The following CSMD2 variants were observed in gnomAD, a reference collection of about 807,000 sequenced individuals.
CSMD2 encodes the protein CUB and sushi domain-containing protein 2.
In CSMD2, 130 loss-of-function variants were observed where a neutral mutation model predicts 398.5. The ratio of observed to expected loss-of-function variants is 0.33; its 90% confidence interval spans 0.28 to 0.38. The LOEUF is 0.38. Ranked by LOEUF, CSMD2 falls within the 10% of genes least tolerant of loss-of-function variation. CSMD2 has a pLI of 1.00. For missense variants in CSMD2, 3,829 were observed against 4,764.9 expected (o/e 0.80, Z 5.78); for synonymous variants, 1,828 against 1,908.5 (o/e 0.96, Z 1.10).
Position 33,819,854 on chromosome 1 carries a change from G to T in CSMD2, c.1200-17C>A. The T allele has an allele frequency of 4.3e-6, 7 of 1,613,608 alleles. No homozygotes were observed. Among genetic ancestry groups the T allele is most frequent in the Non-Finnish European group, 5.9e-6 (7 of 1,179,752 alleles). ...GATCCTAACCTGGGAGACAAAGTGT[G>T]TCTGTGAGCTCCATCCCTGGGCCTG... On this transcript the variant is annotated splice_polypyrimidine_tract_variant and intron_variant, in intron 8 of 70. Transcript: ENST00000373381.
intron 1 of CSMD2, among the ~76,000 whole-genome samples, chr1:34,125,008 G>T (rs1662592182): frequency 6.6e-6 from 1 of 152,108 alleles, no homozygotes. Context: ...GAATGAGTGT[G>T]TCAATCATCA....
intron 57 of CSMD2, among the ~76,000 whole-genome samples, chr1:33,544,231 C>T (rs977367119): frequency 2.0e-5 from 3 of 151,546 alleles, no homozygotes; most frequent in African/African-American, 4.9e-5. Flanking sequence ...CTCAACCTCC[C>T]GAGTACCTGG....
At chr1:33,925,199 T>A (rs1644083484) in intron 4 of CSMD2, among the ~76,000 whole-genome samples, 1 of 152,210 alleles carries the variant, frequency 6.6e-6, no homozygotes, top group South Asian at 2.1e-4. Flanking sequence ...AGTTTAGGTC[T>A]CTAATTCATT....
At chr1:33,743,971 G>A (rs902964726) in intron 13 of CSMD2, among the ~76,000 whole-genome samples, 1 of 152,210 alleles carries the variant, frequency 6.6e-6, no homozygotes, top group South Asian at 2.1e-4. Context: ...TGTGATATCT[G>A]TAATAGTGTC....
chr1:33,973,219 C>T (rs1321390539), intron 3 of CSMD2, among the ~76,000 whole-genome samples: 1 of 152,210 alleles, frequency 6.6e-6, no homozygotes, highest in Non-Finnish European at 1.5e-5. Context: ...GCCCAGCACG[C>T]TGGCATGTCC....
At chr1:33,993,923 A>G (rs1443490839) in intron 3 of CSMD2, among the ~76,000 whole-genome samples, 1 of 152,024 alleles carries the variant, frequency 6.6e-6, no homozygotes, top group African/African-American at 2.4e-5. Context: ...CTTCCAATAA[A>G]TCTAGCCCTT....
intron 19 of CSMD2, among the ~76,000 whole-genome samples, chr1:33,723,565 C>T (rs1330688477): frequency 6.6e-6 from 1 of 152,184 alleles, no homozygotes; most frequent in African/African-American, 2.4e-5. Flanking sequence ...TTACTTTGAA[C>T]TTGGACTCCC....
chr1:33,623,009 C>T (rs1433550505), intron 36 of CSMD2, among the ~76,000 whole-genome samples: 2 of 152,186 alleles, frequency 1.3e-5, no homozygotes, highest in East Asian at 1.9e-4. Context: ...TTGAAAACAT[C>T]ACGTTAAGTG....
chr1:33,849,551 T>C (rs1023573265), intron 5 of CSMD2, among the ~76,000 whole-genome samples: 2 of 152,112 alleles, frequency 1.3e-5, no homozygotes, highest in Non-Finnish European at 2.9e-5. Flanking sequence ...TTGGGGGTGA[T>C]GGAAATGTCT....
At chr1:34,026,216 G>A (rs1053259670) in intron 3 of CSMD2, among the ~76,000 whole-genome samples, 10 of 152,176 alleles carry the variant, frequency 6.6e-5, no homozygotes, top group Non-Finnish European at 1.5e-4. Context: ...AGGTCAACCA[G>A]CAAGTGAGTG....
chr1:33,923,077 A>T (rs1374717190), intron 4 of CSMD2, among the ~76,000 whole-genome samples: 3 of 151,932 alleles, frequency 2.0e-5, no homozygotes, highest in Non-Finnish European at 4.4e-5. Flanking sequence ...ATCTTGGAGC[A>T]CTCCCTTAAA....
intron 1 of CSMD2, among the ~76,000 whole-genome samples, chr1:34,114,084 G>C (rs945378768): frequency 6.6e-6 from 1 of 152,140 alleles, no homozygotes; most frequent in Non-Finnish European, 1.5e-5. Flanking sequence ...TGCAACACCA[G>C]AGAACCTGAG....
At chr1:33,665,612 G>A (rs1014884799) in intron 25 of CSMD2, among the ~76,000 whole-genome samples, 12 of 151,692 alleles carry the variant, frequency 7.9e-5, no homozygotes, top group African/African-American at 2.9e-4. Flanking sequence ...ATTTTTTGTA[G>A]GGATGGGGTT....
intron 24 of CSMD2, 98 bp from the exon 25 acceptor site, chr1:33,693,154 C>T: frequency 7.3e-7 from 1 of 1,364,010 alleles, no homozygotes; most frequent in Non-Finnish European, 9.8e-7. Flanking sequence ...GAGTCCCTTC[C>T]CTCTCCCATT....
chr1:33,952,949 C>T (rs1020225622), intron 3 of CSMD2, among the ~76,000 whole-genome samples: 4 of 152,194 alleles, frequency 2.6e-5, no homozygotes, highest in African/African-American at 9.7e-5. Flanking sequence ...GGCTTCTGTT[C>T]CTTAAACATT....
intron 1 of CSMD2, among the ~76,000 whole-genome samples, chr1:34,101,082 CA>C (rs1163523027): frequency 2.6e-5 from 4 of 152,242 alleles, no homozygotes; most frequent in African/African-American, 9.6e-5. Context: ...GAGCTCATGC[CA>C]GAATGGCTTT....
intron 2 of CSMD2, among the ~76,000 whole-genome samples, chr1:34,061,991 A>T (rs988510130): frequency 6.6e-6 from 1 of 152,160 alleles, no homozygotes; most frequent in African/African-American, 2.4e-5. Flanking sequence ...ATATCTGTGT[A>T]TGGGATCTGT....
intron 1 of CSMD2, among the ~76,000 whole-genome samples, chr1:34,098,914 C>T (rs1265517429): frequency 8.1e-6 from 1 of 123,622 alleles, no homozygotes; most frequent in Non-Finnish European, 1.7e-5. Context: ...CATATGTCAA[C>T]AACAGAATAT....
At chr1:33,904,893 G>T (rs192883366) in intron 5 of CSMD2, among the ~76,000 whole-genome samples, 14 of 152,146 alleles carry the variant, frequency 9.2e-5, no homozygotes, top group African/African-American at 3.4e-4. Context: ...TCATCTGCCC[G>T]CCTCGGCCTC....
Sources: allele counts gnomAD v4.1 joint callset (sites outside exome capture counted in the v4.1 genomes callset), GRCh38; gene constraint gnomAD v4.1.1; transcripts MANE v1.5; gene names NCBI Gene and HGNC (gene_info 2026-07-23, HGNC 2026-07-21).